Variants in CATSPERE observed in about 807,000 individuals in gnomAD.
CATSPERE encodes the protein catsper channel auxiliary subunit epsilon, also known as cation channel sperm-associated auxiliary subunit epsilon.
Under a neutral mutation model 114.1 loss-of-function variants are expected in CATSPERE, and 93 were observed. That is an observed-to-expected ratio of 0.81 (90% CI 0.69 to 0.97). The LOEUF (loss-of-function observed/expected upper bound fraction) is 0.97, where lower values mean the gene tolerates loss of function less well. CATSPERE is among the 50% of genes least tolerant of loss of function. CATSPERE has a pLI of 0.00. For synonymous variants in CATSPERE, 341 were observed against 384.1 expected (o/e 0.89, Z 1.31); for missense variants, 1,058 against 1,131.6 (o/e 0.93, Z 0.93).
At chr1:244,595,775 C>CA (rs1004855187) in intron 17 of CATSPERE, among the ~76,000 whole-genome samples, 2 of 151,838 alleles carry the variant, frequency 1.3e-5, no homozygotes, top group East Asian at 1.9e-4. Flanking sequence ...ACTAAAAATA[C>CA]AAAAAAAATT....
intron 2 of CATSPERE, among the ~76,000 whole-genome samples, chr1:244,473,002 C>G (rs928186251): frequency 6.6e-6 from 1 of 152,152 alleles, no homozygotes; most frequent in African/African-American, 2.4e-5. Flanking sequence ...TCTGGATGTA[C>G]TATAGTTTAT....
upstream of CATSPERE, among the ~76,000 whole-genome samples, chr1:244,459,395 A>G (rs902219945): frequency 1.3e-5 from 2 of 152,202 alleles, no homozygotes; most frequent in Non-Finnish European, 2.9e-5. Flanking sequence ...GCTTTTAAAA[A>G]GTCTTAGCTG....
chr1:244,597,162 C>T (rs1668549413), intron 17 of CATSPERE, among the ~76,000 whole-genome samples: 1 of 152,168 alleles, frequency 6.6e-6, no homozygotes, highest in South Asian at 2.1e-4. Flanking sequence ...CCACCAAAAA[C>T]CAAAGCAAAA....
chr1:244,626,051 G>T (rs573246833), intron 20 of CATSPERE, among the ~76,000 whole-genome samples: 2 of 152,164 alleles, frequency 1.3e-5, no homozygotes, highest in African/African-American at 2.4e-5. Flanking sequence ...CCATAATTCT[G>T]AAGGGCCCTA....
intron 10 of CATSPERE, among the ~76,000 whole-genome samples, chr1:244,570,826 G>A (rs1664320246): frequency 6.6e-6 from 1 of 152,162 alleles, no homozygotes; most frequent in Non-Finnish European, 1.5e-5. Context: ...TCACTGGTTA[G>A]GCTGGGGGAT....
chr1:244,500,706 ATC>A (rs1183653074), intron 7 of CATSPERE, among the ~76,000 whole-genome samples: 2 of 151,896 alleles, frequency 1.3e-5, no homozygotes, highest in African/African-American at 4.8e-5. Context: ...TGGTCTATAT[ATC>A]TGTTTTGTTA....
intron 6 of CATSPERE, among the ~76,000 whole-genome samples, chr1:244,497,810 T>C (rs1296979679): frequency 1.3e-5 from 2 of 151,710 alleles, no homozygotes; most frequent in East Asian, 1.9e-4. Flanking sequence ...TAAAAATAAA[T>C]AAAAATTTTA....
At chr1:244,522,498 A>G (rs1176497554) in intron 8 of CATSPERE, among the ~76,000 whole-genome samples, 2 of 152,220 alleles carry the variant, frequency 1.3e-5, no homozygotes, top group Non-Finnish European at 2.9e-5. Context: ...GCAGAACTGA[A>G]GGAAATAGAG....
At chr1:244,597,672 A>C (rs1397833787) in intron 17 of CATSPERE, among the ~76,000 whole-genome samples, 2 of 151,878 alleles carry the variant, frequency 1.3e-5, no homozygotes, top group Non-Finnish European at 2.9e-5. Flanking sequence ...ATTGCCAATC[A>C]CACACACACA....
Position 244,477,632 on chromosome 1 carries a change from A to AAT in CATSPERE, c.188+21_188+22dup. On this transcript the variant is annotated intron_variant, in intron 3 of 21. Coordinates refer to ENST00000366534, the MANE Select transcript of CATSPERE (RefSeq NM_001130957.2). ...AATAAAAGGTAAGATTTATGCCATGAATATCAATGTATGTGTATATTTTTT... is the reference window on the plus strand; with the variant it reads ...AATAAAAGGTAAGATTTATGCCATGAATATATCAATGTATGTGTATATTTTTT... The AAT allele has an allele frequency of 1.4e-6, 2 of 1,444,614 alleles. No individual in the cohort carries two copies. The highest frequency in any genetic ancestry group is 2.8e-5 in the African/African-American group (2 of 71,310). 89.5% of individuals were successfully genotyped at this position (1,444,614 alleles called of 1,614,324 possible).
At chr1:244,580,582 A>C (rs969914593) in intron 11 of CATSPERE, among the ~76,000 whole-genome samples, 1 of 152,102 alleles carries the variant, frequency 6.6e-6, no homozygotes, top group African/African-American at 2.4e-5. Flanking sequence ...CCAAACACCC[A>C]CGTAATCACC....
intron 8 of CATSPERE, among the ~76,000 whole-genome samples, chr1:244,543,475 G>A (rs1200960588): frequency 1.3e-5 from 2 of 151,868 alleles, no homozygotes; most frequent in Non-Finnish European, 2.9e-5. Context: ...GGTTACCAGA[G>A]CTAAGGTGGG....
intron 8 of CATSPERE, among the ~76,000 whole-genome samples, chr1:244,544,474 A>T (rs185012430): frequency 7.6e-4 from 116 of 152,296 alleles, no homozygotes; most frequent in African/African-American, 2.7e-3. Context: ...CAGTTCTAGG[A>T]TGTATACTTG....
chr1:244,459,661 TAC>T (rs972005883), upstream of CATSPERE, among the ~76,000 whole-genome samples: 2 of 152,228 alleles, frequency 1.3e-5, no homozygotes, highest in African/African-American at 4.8e-5. Flanking sequence ...CAGTTTAGAC[TAC>T]ACACTAAATT....
rs781737250 is a variant in CATSPERE at position 244,561,171 on chromosome 1, T to C, written c.1507+26T>C. 7.9e-6 allele frequency: 11 copies of C among 1,394,154 alleles called. No homozygotes were observed. The Admixed American group carries it at 1.9e-4, about 25-fold the overall frequency. 86.4% of individuals were successfully genotyped at this position (1,394,154 alleles called of 1,614,324 possible). A position where few individuals can be genotyped will look rare whatever the true frequency, so the allele number is the denominator to read the frequency against. On this transcript the variant is annotated intron_variant, in intron 10 of 21. Coordinates refer to ENST00000366534, the MANE Select transcript of CATSPERE (RefSeq NM_001130957.2). Reference sequence around the variant, plus strand: ...GTAAGGCATTCTCAGTCCACTAACATTATTCTAGATTTCACTATAGACATC... The same window carrying C: ...GTAAGGCATTCTCAGTCCACTAACACTATTCTAGATTTCACTATAGACATC...
chr1:244,550,693 T>C (rs1239168652), intron 8 of CATSPERE, among the ~76,000 whole-genome samples: 1 of 152,176 alleles, frequency 6.6e-6, no homozygotes, highest in Non-Finnish European at 1.5e-5. Context: ...TTTGGCATGG[T>C]TTAAGGCATA....
intron 2 of CATSPERE, among the ~76,000 whole-genome samples, chr1:244,466,092 T>C (rs752238020): frequency 6.6e-6 from 1 of 152,222 alleles, no homozygotes; most frequent in Non-Finnish European, 1.5e-5. Context: ...GAAAAAAGTT[T>C]TTGAGTTTTC....
chr1:244,560,920 A>C lies in CATSPERE; in HGVS notation c.1282A>C (p.Thr428Pro). 1.2e-6 allele frequency: 2 copies of C among 1,614,134 alleles called. No homozygotes were observed. Among genetic ancestry groups the C allele is most frequent in the Admixed American group, 1.7e-5 (1 of 60,020 alleles). ...KIFLVIYNED[T>P]KQWVSQDFTL... ...TTTCTTAGTGATATATAATGAAGAT[A>C]CAAAACAGTGGGTTTCCCAAGACTT... The change falls in exon 10 of 22, where the codon ACA becomes CCA. Residue 428 changes from threonine to proline, a missense_variant. By Grantham distance (38) the Thr-to-Pro change is conservative. Transcript: ENST00000366534.
intron 8 of CATSPERE, among the ~76,000 whole-genome samples, chr1:244,522,666 C>T (rs1489278460): frequency 1.3e-5 from 2 of 152,086 alleles, no homozygotes; most frequent in Non-Finnish European, 2.9e-5. Context: ...ACCACCGATC[C>T]TACAGAAATA....
Sources: allele counts gnomAD v4.1 joint callset (sites outside exome capture counted in the v4.1 genomes callset), GRCh38; gene constraint gnomAD v4.1.1; transcripts MANE v1.5; gene names NCBI Gene and HGNC (gene_info 2026-07-23, HGNC 2026-07-21).